Variants in SPPL3 observed in about 807,000 individuals in gnomAD.
SPPL3 encodes signal peptide peptidase like 3, also known as signal peptide peptidase-like 3.
Under a neutral mutation model 42.4 loss-of-function variants are expected in SPPL3, and 5 were observed. The ratio of observed to expected loss-of-function variants is 0.12; its 90% confidence interval spans 0.06 to 0.25. The LOEUF (loss-of-function observed/expected upper bound fraction) is 0.25, where lower values mean the gene tolerates loss of function less well. Among genes scored for constraint, SPPL3 ranks in the 10% least tolerant of loss-of-function variants. The probability of loss-of-function intolerance (pLI) is 1.00; values close to 1 mark genes in which losing one functional copy is unlikely to be tolerated. For missense variants in SPPL3, 235 were observed against 489.0 expected (o/e 0.48, Z 4.90); for synonymous variants, 195 against 181.8 (o/e 1.07, Z -0.58).
At position 120,852,878 on chromosome 12, in the gene SPPL3, T is replaced by TTATATGA. The variant is rs1461979024; in HGVS notation, c.24-41993_24-41992insTCATATA. Among the ~76,000 whole-genome samples, 70 of 138,096 alleles carry TTATATGA rather than the reference T, an allele frequency of 5.1e-4. 2 individuals are homozygous for TTATATGA. Among genetic ancestry groups the TTATATGA allele is most frequent in the Admixed American group, 1.0e-3 (14 of 13,608 alleles). The allele number at this position is 138,096 out of a possible 152,430, so 90.6% of individuals were successfully genotyped here. ...ACATATTTCATATAATATATACATA[T>TTATATGA]CATATATATTTCATATATATATATA... On this transcript the variant is annotated intron_variant, in intron 1 of 10. Coordinates refer to ENST00000353487, the MANE Select transcript of SPPL3 (RefSeq NM_139015.5).
Position 120,763,598 on chromosome 12 carries a change from C to CTAGT in SPPL3, c.*1397_*1400dup, listed in dbSNP as rs1369687787. 2.0e-5 allele frequency: 3 copies of CTAGT among 152,756 alleles called. No homozygotes were observed. Among genetic ancestry groups the CTAGT allele is most frequent in the Admixed American group, 6.5e-5 (1 of 15,278 alleles). 9.5% of individuals were successfully genotyped at this position (152,756 alleles called of 1,614,324 possible). On this transcript the variant is annotated 3_prime_UTR_variant, in exon 11 of 11. Transcript: ENST00000353487. Reference sequence around the variant, plus strand: ...TAGGTAAAGGTCAGCAGACCTAACACTAGTTACTCCCAGAAATCTGGGCTT... The same window carrying CTAGT: ...TAGGTAAAGGTCAGCAGACCTAACACTAGTTAGTTACTCCCAGAAATCTGGGCTT...
At chr12:120,841,697 A>T (rs868140599) in intron 1 of SPPL3, among the ~76,000 whole-genome samples, 15 of 152,336 alleles carry the variant, frequency 9.8e-5, no homozygotes, top group Middle Eastern at 3.4e-3. Flanking sequence ...TGCTTTATAC[A>T]ATTAGCCCAA....
At chr12:120,835,444 T>C (rs531782) in intron 1 of SPPL3, 73,579 of 152,044 alleles carry the variant, frequency 0.48, 17,996 homozygotes, top group East Asian at 0.56. Flanking sequence ...CATACAGTTA[T>C]AGATGATCAA....
chr12:120,894,242 T>C (rs1232672762), intron 1 of SPPL3, among the ~76,000 whole-genome samples: 1 of 152,184 alleles, frequency 6.6e-6, no homozygotes, highest in Non-Finnish European at 1.5e-5. Flanking sequence ...GAGAATCACT[T>C]GAACCCGGGA....
At chr12:120,886,891 C>T (rs1395095462) in intron 1 of SPPL3, among the ~76,000 whole-genome samples, 2 of 152,030 alleles carry the variant, frequency 1.3e-5, no homozygotes, top group East Asian at 3.8e-4. Flanking sequence ...TGAAATGTGG[C>T]TAGTCTGAAT....
chr12:120,880,604 C>T (rs1448926107), intron 1 of SPPL3, among the ~76,000 whole-genome samples: 2 of 151,918 alleles, frequency 1.3e-5, no homozygotes, highest in African/African-American at 4.8e-5. Context: ...CTGGCTAACA[C>T]GGTGAAACCC....
At chr12:120,865,049 T>C (rs1872719516) in intron 1 of SPPL3, among the ~76,000 whole-genome samples, 1 of 152,172 alleles carries the variant, frequency 6.6e-6, no homozygotes, top group Non-Finnish European at 1.5e-5. Context: ...AAATACTATA[T>C]AAAGGTTTGA....
rs544028455 is a variant in SPPL3, at chr12:120,826,382, T to C, written c.24-15496A>G. ...AAACCTAGACCTACCTGCCTTGCCCTCTAACAGTGCTGGATACCTGACTGG... is the reference window on the plus strand; with the variant it reads ...AAACCTAGACCTACCTGCCTTGCCCCCTAACAGTGCTGGATACCTGACTGG... On this transcript the variant is annotated intron_variant, in intron 1 of 10. Transcript: ENST00000353487. 2.3e-4 allele frequency among the ~76,000 whole-genome samples: 35 copies of C among 151,486 alleles called. 1 individual carries two copies. The highest frequency in any genetic ancestry group is 7.7e-4 in the African/African-American group (32 of 41,296).
intron 1 of SPPL3, among the ~76,000 whole-genome samples, chr12:120,869,559 T>G (rs547359482): frequency 6.6e-6 from 1 of 152,334 alleles, no homozygotes; most frequent in Admixed American, 6.5e-5. Flanking sequence ...AATGTTCTCA[T>G]GAATTTCAAA....
At chr12:120,878,829 T>C (rs1716529693) in intron 1 of SPPL3, among the ~76,000 whole-genome samples, 1 of 152,092 alleles carries the variant, frequency 6.6e-6, no homozygotes, top group Admixed American at 6.6e-5. Flanking sequence ...AATAAGACGA[T>C]AAGGCCGGGC....
chr12:120,824,268 A>G (rs1034598175), intron 1 of SPPL3, among the ~76,000 whole-genome samples: 1 of 152,126 alleles, frequency 6.6e-6, no homozygotes, highest in Non-Finnish European at 1.5e-5. Flanking sequence ...AAATGGGACT[A>G]TTTCACATTT....
chr12:120,788,470 T>TG (rs1869796115), intron 3 of SPPL3, among the ~76,000 whole-genome samples: 1 of 152,228 alleles, frequency 6.6e-6, no homozygotes, highest in African/African-American at 2.4e-5. Flanking sequence ...TCTGATTTTT[T>TG]GGGGCATGAG....
At chr12:120,902,005 A>G in intron 1 of SPPL3, 2 of 819,966 alleles carry the variant, frequency 2.4e-6, no homozygotes, top group Non-Finnish European at 2.9e-6. Flanking sequence ...GGCCACAGCC[A>G]TTAGGGCCAG....
chr12:120,766,782 T>C (rs1048264561), intron 9 of SPPL3, among the ~76,000 whole-genome samples: 3 of 152,238 alleles, frequency 2.0e-5, no homozygotes, highest in Non-Finnish European at 4.4e-5. Context: ...CTAATGGGGA[T>C]AATGCCACTT....
At chr12:120,805,213 C>A (rs185676574) in intron 2 of SPPL3, among the ~76,000 whole-genome samples, 40 of 152,212 alleles carry the variant, frequency 2.6e-4, no homozygotes, top group Admixed American at 2.6e-3. Flanking sequence ...CTTTAAGTGA[C>A]CAAACTTTAT....
chr12:120,764,769 C>A lies in SPPL3; in HGVS notation c.*230G>T, dbSNP rs1868816435. ...GAAGGCGCGCTGGGGAGAGGCCTGT[C>A]CCTCTTGGAAGGGGCCCCACCTCTA... On this transcript the variant is annotated 3_prime_UTR_variant, in exon 11 of 11. Coordinates refer to ENST00000353487, the MANE Select transcript of SPPL3 (RefSeq NM_139015.5). 2 of 487,644 alleles carry A rather than the reference C, an allele frequency of 4.1e-6. No individual in the cohort carries two copies. Among genetic ancestry groups the A allele is most frequent in the Admixed American group, 7.4e-5 (2 of 27,200 alleles). 30.2% of individuals were successfully genotyped at this position (487,644 alleles called of 1,614,324 possible). A position where few individuals can be genotyped will look rare whatever the true frequency, so the allele number is the denominator to read the frequency against.
chr12:120,841,937 AT>A (rs1871846555), intron 1 of SPPL3, among the ~76,000 whole-genome samples: 1 of 152,172 alleles, frequency 6.6e-6, no homozygotes, highest in Non-Finnish European at 1.5e-5. Flanking sequence ...TGGCTTGTAT[AT>A]TTAAGTGTGC....
chr12:120,782,413 T>C (rs1869575370), intron 6 of SPPL3, among the ~76,000 whole-genome samples: 1 of 152,226 alleles, frequency 6.6e-6, no homozygotes, highest in African/African-American at 2.4e-5. Context: ...TAATGTATGA[T>C]TCCATTTATG....
chr12:120,870,929 A>G (rs972215339), intron 1 of SPPL3, among the ~76,000 whole-genome samples: 8 of 151,868 alleles, frequency 5.3e-5, no homozygotes, highest in African/African-American at 1.9e-4. Context: ...GGAGTTCAAG[A>G]CCAGCCTAGG....
Sources: gnomAD v4.1 joint callset for allele counts (sites outside exome capture counted in the v4.1 genomes callset) on GRCh38, gnomAD v4.1.1 for gene constraint, MANE v1.5 for transcripts, NCBI Gene and HGNC (gene_info 2026-07-23, HGNC 2026-07-21) for gene names.